The following IMMP2L variants were observed in gnomAD, a reference collection of about 807,000 sequenced individuals.
The protein encoded by IMMP2L is mitochondrial inner membrane protease subunit 2.
Under a neutral mutation model 19.3 loss-of-function variants are expected in IMMP2L, and 18 were observed. That is an observed-to-expected ratio of 0.93 (90% CI 0.64 to 1.38). The LOEUF is 1.38. Ranked by LOEUF, IMMP2L falls within the 40% of genes most tolerant of loss-of-function variation. The pLI, the probability that IMMP2L is intolerant of heterozygous loss-of-function variation, is 0.00. For synonymous variants in IMMP2L, 76 were observed against 73.0 expected (o/e 1.04, Z -0.21); for missense variants, 233 against 218.2 (o/e 1.07, Z -0.43).
intron 5 of IMMP2L, among the ~76,000 whole-genome samples, chr7:110,845,577 T>C (rs547683398): frequency 2.0e-5 from 3 of 152,342 alleles, no homozygotes; most frequent in Admixed American, 6.5e-5. Context: ...CATCCATACC[T>C]CTTTACTAAA....
At chr7:111,009,883 CTTGT>C (rs1362740637) in intron 3 of IMMP2L, among the ~76,000 whole-genome samples, 1 of 152,094 alleles carries the variant, frequency 6.6e-6, no homozygotes, top group Non-Finnish European at 1.5e-5. Flanking sequence ...GGCTCTGAAC[CTTGT>C]TTGTGTTCTG....
At chr7:111,222,583 T>C (rs557698157) in intron 3 of IMMP2L, among the ~76,000 whole-genome samples, 3 of 151,986 alleles carry the variant, frequency 2.0e-5, no homozygotes, top group African/African-American at 7.2e-5. Flanking sequence ...TCAGCCTCAG[T>C]AGTAATCAGG....
intron 3 of IMMP2L, among the ~76,000 whole-genome samples, chr7:111,034,663 TTTG>T (rs1266914196): frequency 5.3e-5 from 8 of 152,110 alleles, no homozygotes; most frequent in Non-Finnish European, 1.2e-4. Flanking sequence ...ACCATAAGAA[TTTG>T]TTATTTTGTA....
chr7:111,035,977 G>C (rs1791306345), intron 3 of IMMP2L, among the ~76,000 whole-genome samples: 1 of 152,132 alleles, frequency 6.6e-6, no homozygotes, highest in African/African-American at 2.4e-5. Flanking sequence ...TTATTGTGAG[G>C]ATTAGATGAG....
chr7:111,030,904 AT>A (rs1563176329), intron 3 of IMMP2L, among the ~76,000 whole-genome samples: 1 of 134,646 alleles, frequency 7.4e-6, no homozygotes, highest in African/African-American at 3.1e-5. Context: ...ATATATATAT[AT>A]ATATATATAT....
chr7:111,223,109 AAC>A (rs1210943354), intron 3 of IMMP2L, among the ~76,000 whole-genome samples: 1 of 152,086 alleles, frequency 6.6e-6, no homozygotes, highest in Non-Finnish European at 1.5e-5. Context: ...AAACATGAAA[AAC>A]ACTATATATA....
chr7:111,304,348 A>C (rs1396705530), intron 3 of IMMP2L, among the ~76,000 whole-genome samples: 2 of 152,026 alleles, frequency 1.3e-5, no homozygotes, highest in Non-Finnish European at 2.9e-5. Flanking sequence ...ATCTCTCAAC[A>C]AAAAATATAT....
intron 3 of IMMP2L, among the ~76,000 whole-genome samples, chr7:111,091,745 G>A (rs1480177757): frequency 6.6e-6 from 1 of 151,902 alleles, no homozygotes; most frequent in African/African-American, 2.4e-5. Flanking sequence ...GCCCATTAGA[G>A]GATGTGAGTG....
At chr7:111,414,649 C>T (rs1405915234) in intron 3 of IMMP2L, among the ~76,000 whole-genome samples, 2 of 151,550 alleles carry the variant, frequency 1.3e-5, no homozygotes, top group African/African-American at 4.9e-5. Flanking sequence ...AAGAATGAAC[C>T]CTAATGTATA....
At chr7:110,748,603 C>T (rs1354343354) in intron 5 of IMMP2L, among the ~76,000 whole-genome samples, 2 of 152,110 alleles carry the variant, frequency 1.3e-5, no homozygotes, top group African/African-American at 4.8e-5. Flanking sequence ...CACACATACA[C>T]AATCATCTGA....
intron 3 of IMMP2L, among the ~76,000 whole-genome samples, chr7:111,470,195 A>C (rs1215348653): frequency 2.0e-5 from 3 of 152,242 alleles, no homozygotes; most frequent in Non-Finnish European, 2.9e-5. Context: ...ACACCAGTTA[A>C]AATGGCAATC....
At chr7:110,722,230 T>C (rs1252935386) in intron 5 of IMMP2L, among the ~76,000 whole-genome samples, 1 of 152,074 alleles carries the variant, frequency 6.6e-6, no homozygotes, top group Admixed American at 6.6e-5. Context: ...TGGGATGTAA[T>C]AATAACAATA....
intron 5 of IMMP2L, among the ~76,000 whole-genome samples, chr7:110,763,327 C>A (rs114482186): frequency 3.7e-4 from 57 of 152,190 alleles, no homozygotes; most frequent in African/African-American, 1.3e-3. Flanking sequence ...TCAACCCTGA[C>A]GACACACTTT....
intron 4 of IMMP2L, among the ~76,000 whole-genome samples, chr7:110,943,452 G>A (rs573632284): frequency 1.3e-5 from 2 of 152,096 alleles, no homozygotes; most frequent in South Asian, 4.1e-4. Flanking sequence ...CCACCCTGTT[G>A]ATTTCAGACT....
intron 3 of IMMP2L, among the ~76,000 whole-genome samples, chr7:111,476,378 T>C (rs1329466021): frequency 4.6e-5 from 7 of 152,208 alleles, no homozygotes; most frequent in Admixed American, 4.6e-4. Context: ...TAAAAGTACA[T>C]TTCCTTGTAC....
chr7:111,075,694 G>A (rs1795344070), intron 3 of IMMP2L, among the ~76,000 whole-genome samples: 1 of 151,934 alleles, frequency 6.6e-6, no homozygotes, highest in South Asian at 2.1e-4. Flanking sequence ...GAGTGCCCGA[G>A]GTCAGACTCT....
intron 4 of IMMP2L, among the ~76,000 whole-genome samples, chr7:110,920,070 C>T (rs1814091045): frequency 6.6e-6 from 1 of 152,150 alleles, no homozygotes; most frequent in African/African-American, 2.4e-5. Context: ...TTGCCAGGGG[C>T]TCTTGGGCCT....
chr7:111,508,057 T>C (rs1369076804), intron 2 of IMMP2L, among the ~76,000 whole-genome samples: 5 of 151,462 alleles, frequency 3.3e-5, no homozygotes, highest in Non-Finnish European at 5.9e-5. Flanking sequence ...ATCATTACCA[T>C]AAAAATCTAC....
intron 3 of IMMP2L, among the ~76,000 whole-genome samples, chr7:111,083,126 T>A (rs1796021369): frequency 1.3e-5 from 2 of 152,200 alleles, no homozygotes; most frequent in African/African-American, 2.4e-5. Context: ...TGAAGTTTTA[T>A]GTATGTGTAT....
Sources: allele counts gnomAD v4.1 joint callset (sites outside exome capture counted in the v4.1 genomes callset), GRCh38; gene constraint gnomAD v4.1.1; transcripts MANE v1.5; gene names NCBI Gene and HGNC (gene_info 2026-07-23, HGNC 2026-07-21).